GLIS3: variants seen among roughly 807,000 people sequenced by gnomAD.
GLIS3 encodes GLIS family zinc finger 3.
In GLIS3, 53 loss-of-function variants were observed where a neutral mutation model predicts 78.6. The ratio of observed to expected loss-of-function variants is 0.67; its 90% CI spans 0.54 to 0.85. The LOEUF (loss-of-function observed/expected upper bound fraction) is 0.85. Among genes scored for constraint, GLIS3 ranks in the 40% least tolerant of loss-of-function variants. The probability of loss-of-function intolerance (pLI) is 0.00; values close to 1 mark genes in which losing one functional copy is unlikely to be tolerated. For missense variants in GLIS3, 1,703 were observed against 1,231.1 expected (o/e 1.38, Z -5.74); for synonymous variants, 684 against 509.9 (o/e 1.34, Z -4.60).
rs1816575873 is a variant in GLIS3, at chr9:4,296,914, A to G, written c.-99+2507T>C. The stretch of plus-strand genomic sequence containing the variant: ...CTTGTTCTCAATTGCAAAAAAAAAA[A>G]AAAAAAAAAAAAATGCATATAATCT... On this transcript the variant is annotated intron_variant, in intron 1 of 10. Coordinates refer to ENST00000381971, the MANE Select transcript of GLIS3 (RefSeq NM_001042413.2). Among the ~76,000 whole-genome samples, 8 of 151,560 alleles carry G rather than the reference A, an allele frequency of 5.3e-5. No individual in the cohort carries two copies. The South Asian group carries it at 1.7e-3, about 32-fold the overall frequency.
chr9:4,121,106 T>G (rs940105764), intron 3 of GLIS3, among the ~76,000 whole-genome samples: 2 of 152,226 alleles, frequency 1.3e-5, no homozygotes, highest in Non-Finnish European at 2.9e-5. Flanking sequence ...AACAGAGAAC[T>G]CTCTTCTATC....
At chr9:4,217,773 A>C (rs911488) in intron 2 of GLIS3, among the ~76,000 whole-genome samples, 138,155 of 152,220 alleles carry the variant, frequency 0.91, 62,815 homozygotes, top group Non-Finnish European at 0.93. Context: ...GGTCACTTTC[A>C]GCTGGCATCC....
chr9:4,363,689 C>A, the GLIS3 span, among the ~76,000 whole-genome samples: 1 of 152,202 alleles, frequency 6.6e-6, no homozygotes, highest in Non-Finnish European at 1.5e-5. Flanking sequence ...AACAGATAGG[C>A]ACTCAGCAAC....
chr9:4,326,080 G>A (rs944843343), intron 2 of GLIS3, among the ~76,000 whole-genome samples: 2 of 152,142 alleles, frequency 1.3e-5, no homozygotes, highest in Admixed American at 6.5e-5. Context: ...AGAGCCTCAG[G>A]AAGAACAGCT....
chr9:4,086,994 C>T (rs1308871975), intron 4 of GLIS3, among the ~76,000 whole-genome samples: 1 of 152,164 alleles, frequency 6.6e-6, no homozygotes, highest in Non-Finnish European at 1.5e-5. Flanking sequence ...CTACAAAATC[C>T]TAGTTTAGTG....
chr9:4,051,596 G>A (rs1177747303), intron 4 of GLIS3, among the ~76,000 whole-genome samples: 1 of 152,106 alleles, frequency 6.6e-6, no homozygotes, highest in East Asian at 1.9e-4. Context: ...GAAAGAACAT[G>A]GTCATAAAGA....
At chr9:3,985,886 G>C (rs1274996982) in intron 4 of GLIS3, among the ~76,000 whole-genome samples, 1 of 152,144 alleles carries the variant, frequency 6.6e-6, no homozygotes, top group Admixed American at 6.5e-5. Flanking sequence ...GGCATTCCCA[G>C]TTAAAATTAA....
At position 3,853,031 on chromosome 9, in the gene GLIS3, A is replaced by G. The variant is rs763374604; in HGVS notation, c.2473+2978T>C. ...CAAGACCAGCCTGGGCAACATAGTG[A>G]GACTCCATTTCTACAAAAACAATAA... On this transcript the variant is annotated intron_variant, in intron 9 of 10. Coordinates refer to ENST00000381971, the MANE Select transcript of GLIS3 (RefSeq NM_001042413.2). 4.1e-4 allele frequency among the ~76,000 whole-genome samples: 62 copies of G among 151,990 alleles called. 1 individual carries two copies. The highest frequency in any genetic ancestry group is 2.4e-3 in the Admixed American group (37 of 15,286).
intron 4 of GLIS3, among the ~76,000 whole-genome samples, chr9:3,956,989 A>G (rs1817162699): frequency 6.6e-6 from 1 of 152,218 alleles, no homozygotes; most frequent in South Asian, 2.1e-4. Flanking sequence ...CATCCTTGAG[A>G]ACTTGCCCTG....
At chr9:4,381,503 G>A in the GLIS3 span, among the ~76,000 whole-genome samples, 3 of 152,156 alleles carry the variant, frequency 2.0e-5, no homozygotes, top group Admixed American at 2.0e-4. Flanking sequence ...GATAAGAGTT[G>A]CATGGTCACA....
rs142297693 is a variant in GLIS3 at position 4,024,567 on chromosome 9, A to T, written c.1711-87378T>A. 1.9e-3 allele frequency among the ~76,000 whole-genome samples: 293 copies of T among 152,234 alleles called. 2 individuals carry two copies. The highest frequency in any genetic ancestry group is 0.011 in the South Asian group (52 of 4,822). ...CTCTTCATTTCTCCTGTTTTTCACAATGATTTACTGGTGGGAAGCTCAGAG... is the reference window on the plus strand; with the variant it reads ...CTCTTCATTTCTCCTGTTTTTCACATTGATTTACTGGTGGGAAGCTCAGAG... On this transcript the variant is annotated intron_variant, in intron 4 of 10. Coordinates refer to ENST00000381971, the MANE Select transcript of GLIS3 (RefSeq NM_001042413.2).
At chr9:4,023,088 T>G (rs1464475586) in intron 4 of GLIS3, among the ~76,000 whole-genome samples, 1 of 152,172 alleles carries the variant, frequency 6.6e-6, no homozygotes, top group Admixed American at 6.5e-5. Context: ...TTCAACATAT[T>G]TGAAAACAAA....
chr9:3,964,462 ATTTTC>A (rs1817783045), intron 4 of GLIS3, among the ~76,000 whole-genome samples: 1 of 152,148 alleles, frequency 6.6e-6, no homozygotes, highest in Admixed American at 6.5e-5. Context: ...CCTATCTGAA[ATTTTC>A]TTTTCTAATT....
the GLIS3 span, among the ~76,000 whole-genome samples, chr9:4,469,999 T>G: frequency 1.3e-5 from 2 of 150,572 alleles, no homozygotes; most frequent in East Asian, 3.9e-4. Context: ...GAACAGAAAA[T>G]CTAGAAGAAA....
rs487251 is a variant in GLIS3, at chr9:3,989,673, T to G, written c.1711-52484A>C. ...GTCCATGTATGCAACATTTCTTAAA[T>G]GAAAAAAATTACTACTAGAGGAAAG... On this transcript the variant is annotated intron_variant, in intron 4 of 10. Transcript: ENST00000381971. Among the ~76,000 whole-genome samples the G allele has an allele frequency of 5.1e-3, 778 of 152,170 alleles. 8 individuals are homozygous for G. Among genetic ancestry groups the G allele is most frequent in the African/African-American group, 0.018 (750 of 41,506 alleles).
At chr9:4,106,757 G>A (rs999797662) in intron 4 of GLIS3, among the ~76,000 whole-genome samples, 3 of 152,152 alleles carry the variant, frequency 2.0e-5, no homozygotes, top group African/African-American at 7.2e-5. Context: ...AAATTTCTGT[G>A]CACAATGGTA....
chr9:4,165,802 C>G (rs1835840810), intron 2 of GLIS3, among the ~76,000 whole-genome samples: 1 of 152,196 alleles, frequency 6.6e-6, no homozygotes, highest in Non-Finnish European at 1.5e-5. Context: ...ATAAGATAGT[C>G]TTCAATTGGG....
the GLIS3 span, among the ~76,000 whole-genome samples, chr9:4,416,901 C>G: frequency 6.8e-6 from 1 of 147,940 alleles, no homozygotes; most frequent in East Asian, 2.0e-4. Flanking sequence ...TCACTGCAAC[C>G]TCTGCCTCCC....
At chr9:4,300,267 G>GAGGAACTCCAGAACAGGGTAACAGC, upstream of GLIS3, among the ~76,000 whole-genome samples, 1 of 151,818 alleles carries the variant, frequency 6.6e-6, no homozygotes, top group South Asian at 2.1e-4. Context: ...GCCAGAAGTC[G>GAGGAACTCCAGAACAGGGTAACAGC]AGGAACTCCA....
Sources: allele counts gnomAD v4.1 joint callset (sites outside exome capture counted in the v4.1 genomes callset), GRCh38; gene constraint gnomAD v4.1.1; transcripts MANE v1.5; gene names NCBI Gene and HGNC (gene_info 2026-07-23, HGNC 2026-07-21).